Variants in TET2 observed in about 807,000 individuals in gnomAD.
TET2 encodes the protein methylcytosine dioxygenase TET2.
Under a neutral mutation model 142.9 loss-of-function variants are expected in TET2, and 299 were observed. The ratio of observed to expected loss-of-function variants is 2.09; its 90% CI spans 1.90 to 2.30. TET2 has a LOEUF of 2.30. Among genes scored for constraint, TET2 ranks in the 30% most tolerant of loss-of-function variants. TET2 has a pLI of 0.00. For missense variants in TET2, 2,418 were observed against 2,378.0 expected (o/e 1.02, Z -0.35); for synonymous variants, 819 against 849.0 (o/e 0.96, Z 0.61).
upstream of TET2, chr4:105,146,060 G>C (rs1171416051): frequency 1.3e-5 from 2 of 152,474 alleles, no homozygotes; most frequent in South Asian, 2.1e-4. Flanking sequence ...GGGATCTAAA[G>C]GGAGATAGAG....
At chr4:105,252,250 A>G (rs1348533118) in intron 6 of TET2, among the ~76,000 whole-genome samples, 1 of 152,204 alleles carries the variant, frequency 6.6e-6, no homozygotes, top group Non-Finnish European at 1.5e-5. Context: ...TGCCTATTCC[A>G]GAATGTCATA....
chr4:105,249,605 A>T (rs1212810709), intron 6 of TET2, among the ~76,000 whole-genome samples: 1 of 152,210 alleles, frequency 6.6e-6, no homozygotes. Flanking sequence ...ATCCTCAAGA[A>T]AATGTTATTG....
At chr4:105,222,049 A>C (rs903343473) in intron 2 of TET2, among the ~76,000 whole-genome samples, 6 of 150,582 alleles carry the variant, frequency 4.0e-5, no homozygotes, top group African/African-American at 2.4e-5. Context: ...TGAACTCATC[A>C]TTTTTTATGG....
At chr4:105,271,857 T>G (rs1730979405) in intron 9 of TET2, among the ~76,000 whole-genome samples, 2 of 152,150 alleles carry the variant, frequency 1.3e-5, no homozygotes, top group African/African-American at 4.8e-5. Context: ...CCTCCACCCC[T>G]TACCCTTTTC....
intron 10 of TET2, among the ~76,000 whole-genome samples, chr4:105,273,893 T>C (rs1202449665): frequency 6.6e-6 from 1 of 152,192 alleles, no homozygotes; most frequent in Non-Finnish European, 1.5e-5. Context: ...CCTCCTGCTT[T>C]ATGTCTGCAG....
At chr4:105,189,640 C>G (rs1472519823) in intron 1 of TET2, among the ~76,000 whole-genome samples, 1 of 152,174 alleles carries the variant, frequency 6.6e-6, no homozygotes, top group Non-Finnish European at 1.5e-5. Context: ...CATGTCATCT[C>G]CACTTATTTG....
chr4:105,244,965 T>G (rs1365025824), intron 6 of TET2, among the ~76,000 whole-genome samples: 1 of 152,350 alleles, frequency 6.6e-6, no homozygotes, highest in Non-Finnish European at 1.5e-5. Flanking sequence ...TTTAGTGTCT[T>G]TTTCTCTGCA....
chr4:105,211,019 AC>A (rs2110544631), intron 2 of TET2, among the ~76,000 whole-genome samples: 1 of 152,304 alleles, frequency 6.6e-6, no homozygotes. Flanking sequence ...CATGGCCTTT[AC>A]ATACTTCTAG....
chr4:105,236,049 T>G lies in TET2; in HGVS notation c.2107T>G (p.Leu703Val). The change falls in exon 3 of 11, where the codon TTG becomes GTG. Residue 703 changes from leucine (L) to valine (V), a missense_variant. By Grantham distance (32) the Leu-to-Val change is conservative (BLOSUM62 1). Coordinates refer to ENST00000380013, the MANE Select transcript of TET2 (RefSeq NM_001127208.3). ...TATGTCCCCAGTGTTGAAACAGCAC[T>G]TGAATCAACAGGCTTCAGAGACTGA... ...KLMSPVLKQH[L>V]NQQASETEPF... 1 of 1,614,174 alleles carries G rather than the reference T, an allele frequency of 6.2e-7. No homozygotes were observed. Among genetic ancestry groups the G allele is most frequent in the Non-Finnish European group, 8.5e-7 (1 of 1,180,028 alleles).
intron 2 of TET2, among the ~76,000 whole-genome samples, chr4:105,231,827 T>C (rs7683416): frequency 0.45 from 68,367 of 152,032 alleles, 15,933 homozygotes; most frequent in Non-Finnish European, 0.53. Context: ...CCATTTCTTC[T>C]GGCTTTCTCT....
At chr4:105,213,980 T>C (rs1727324614) in intron 2 of TET2, among the ~76,000 whole-genome samples, 1 of 152,114 alleles carries the variant, frequency 6.6e-6, no homozygotes. Flanking sequence ...TGTCTCAGAC[T>C]CCCGAGTAGC....
chr4:105,261,401 C>G (rs1330905172), intron 7 of TET2, among the ~76,000 whole-genome samples: 1 of 151,946 alleles, frequency 6.6e-6, no homozygotes, highest in Non-Finnish European at 1.5e-5. Context: ...ACAAATTAAG[C>G]TAAAGAAGTT....
intron 2 of TET2, among the ~76,000 whole-genome samples, chr4:105,206,304 C>G (rs756775239): frequency 6.6e-5 from 10 of 152,252 alleles, no homozygotes; most frequent in Non-Finnish European, 1.5e-4. Flanking sequence ...TTTCCTAAAG[C>G]CTCCTTCGCC....
At chr4:105,224,222 T>TA (rs1728034465) in intron 2 of TET2, among the ~76,000 whole-genome samples, 1 of 152,096 alleles carries the variant, frequency 6.6e-6, no homozygotes, top group East Asian at 1.9e-4. Flanking sequence ...AATTTGAGCA[T>TA]ATCTACAGCT....
At chr4:105,225,559 G>T (rs1163929209) in intron 2 of TET2, among the ~76,000 whole-genome samples, 2 of 152,138 alleles carry the variant, frequency 1.3e-5, no homozygotes, top group African/African-American at 4.8e-5. Context: ...AATTTTACAA[G>T]AGTGACTTGG....
upstream of TET2, chr4:105,146,012 T>C (rs1296432745): frequency 1.3e-5 from 2 of 152,062 alleles, no homozygotes; most frequent in African/African-American, 4.8e-5. Context: ...CTGAATGAGA[T>C]TAAAGCGACA....
At chr4:105,191,569 G>T (rs946555834) in intron 2 of TET2, among the ~76,000 whole-genome samples, 2 of 151,956 alleles carry the variant, frequency 1.3e-5, no homozygotes, top group African/African-American at 2.4e-5. Flanking sequence ...ACTAAATCTT[G>T]TTTATGCATT....
rs1731174655 is a variant in TET2, at chr4:105,275,598, T to C, written c.5088T>C (p.Tyr1696=). 1.9e-6 allele frequency: 3 copies of C among 1,551,670 alleles called. No homozygotes were observed. Among genetic ancestry groups the C allele is most frequent in the Non-Finnish European group, 2.6e-6 (3 of 1,147,012 alleles). The part of the protein sequence containing the change: ...SQSFTSKYLG[Y]GNQNMQGDGF... The stretch of plus-strand genomic sequence containing the variant: ...GTTTTACATCTAAATACTTAGGTTA[T>C]GGAAACCAAAATATGCAGGGAGATG... Residue 1696 remains tyrosine, a synonymous_variant, in exon 11 of 11, where the codon TAT becomes TAC. Coordinates refer to ENST00000380013, the MANE Select transcript of TET2 (RefSeq NM_001127208.3).
chr4:105,189,275 G>T (rs183608008), intron 1 of TET2, among the ~76,000 whole-genome samples: 2 of 152,142 alleles, frequency 1.3e-5, no homozygotes, highest in East Asian at 3.9e-4. Flanking sequence ...ATCTAGCATA[G>T]TGTCTGGCAT....
Sources: gnomAD v4.1 joint callset for allele counts (sites outside exome capture counted in the v4.1 genomes callset) on GRCh38, gnomAD v4.1.1 for gene constraint, MANE v1.5 for transcripts, NCBI Gene and HGNC (gene_info 2026-07-23, HGNC 2026-07-21) for gene names.